ERG: variants seen among roughly 807,000 people sequenced by gnomAD.
ERG encodes transcriptional regulator ERG.
ERG carries 9 observed loss-of-function variants against 55.3 expected under a neutral mutation model. The ratio of observed to expected loss-of-function variants is 0.16; its 90% CI spans 0.10 to 0.28. The LOEUF (loss-of-function observed/expected upper bound fraction) is 0.28. ERG is among the 10% of genes least tolerant of loss of function. The pLI, the probability that ERG is intolerant of heterozygous loss-of-function variation, is 1.00. For missense variants in ERG, 434 were observed against 631.6 expected, an observed-to-expected ratio of 0.69 and a Z score of 3.35; for synonymous variants, 223 against 237.3, an observed-to-expected ratio of 0.94 and a Z score of 0.55.
intron 1 of ERG, among the ~76,000 whole-genome samples, chr21:38,487,269 C>T (rs760449629): frequency 1.3e-5 from 2 of 151,686 alleles, no homozygotes; most frequent in East Asian, 3.9e-4. Flanking sequence ...AAAAAAGAAT[C>T]GAGTATTCAA....
In ERG at chr21:38,380,566, CAGAG is replaced by C. The variant is rs373076901; in HGVS notation, c.*2833_*2836del. 2 of 1,065,772 alleles carry C rather than the reference CAGAG, an allele frequency of 1.9e-6. No individual in the cohort carries two copies. Among genetic ancestry groups the C allele is most frequent in the Middle Eastern group, 4.2e-4 (1 of 2,404 alleles). The allele number at this position is 1,065,772 out of a possible 1,614,324, so 66.0% of individuals were successfully genotyped here. ...GGGCAAGCCAAGAGACAGGGACAAACAGAGAGAAAAGGTTCATGCAATTATGAAT... is the reference window on the plus strand; with the variant it reads ...GGGCAAGCCAAGAGACAGGGACAAACAGAAAAGGTTCATGCAATTATGAAT... On this transcript the variant is annotated 3_prime_UTR_variant, in exon 10 of 10. Transcript: ENST00000288319.
At chr21:38,549,398 T>C (rs918355767) in intron 2 of ERG, among the ~76,000 whole-genome samples, 2 of 151,876 alleles carry the variant, frequency 1.3e-5, no homozygotes, top group African/African-American at 4.8e-5. Flanking sequence ...AACAGCTAGT[T>C]ATCTTACTTC....
At chr21:38,597,242 T>G (rs2060136555) in intron 1 of ERG, among the ~76,000 whole-genome samples, 1 of 152,214 alleles carries the variant, frequency 6.6e-6, no homozygotes, top group Admixed American at 6.5e-5. Flanking sequence ...TACACATATG[T>G]ACACAGTTAT....
chr21:38,435,181 A>G (rs1990392213), intron 2 of ERG, among the ~76,000 whole-genome samples: 1 of 152,196 alleles, frequency 6.6e-6, no homozygotes, highest in Non-Finnish European at 1.5e-5. Flanking sequence ...CTGAATACAA[A>G]TAAATCCCTT....
intron 1 of ERG, among the ~76,000 whole-genome samples, chr21:38,607,482 A>C (rs1297536870): frequency 6.6e-6 from 1 of 152,126 alleles, no homozygotes; most frequent in Non-Finnish European, 1.5e-5. Flanking sequence ...AATACAAAAA[A>C]TTAGCCGGGC....
chr21:38,607,180 C>A (rs753413236), intron 1 of ERG, among the ~76,000 whole-genome samples: 1 of 152,084 alleles, frequency 6.6e-6, no homozygotes, highest in Non-Finnish European at 1.5e-5. Flanking sequence ...TAAAATTCTA[C>A]GTCAGGCAAA....
At chr21:38,527,216 A>G (rs1176953707) in intron 2 of ERG, among the ~76,000 whole-genome samples, 1 of 152,200 alleles carries the variant, frequency 6.6e-6, no homozygotes, top group Non-Finnish European at 1.5e-5. Flanking sequence ...AGTGAGAAGA[A>G]GATTCGACAT....
chr21:38,523,229 C>A (rs1376623629), intron 2 of ERG, among the ~76,000 whole-genome samples: 1 of 152,164 alleles, frequency 6.6e-6, no homozygotes, highest in Non-Finnish European at 1.5e-5. Context: ...ATGTTTCTAT[C>A]CTGCCTGTGT....
At chr21:38,419,596 C>T (rs1438174966) in intron 3 of ERG, among the ~76,000 whole-genome samples, 1 of 152,214 alleles carries the variant, frequency 6.6e-6, no homozygotes, top group African/African-American at 2.4e-5. Context: ...CCATTCTCCA[C>T]ATTCCTTTAT....
chr21:38,533,714 T>C (rs2059688569), intron 2 of ERG, among the ~76,000 whole-genome samples: 1 of 152,168 alleles, frequency 6.6e-6, no homozygotes, highest in African/African-American at 2.4e-5. Context: ...AACCAACACT[T>C]AGGCTACACA....
intron 2 of ERG, 59 bp downstream of exon 2, chr21:38,445,345 C>T: frequency 2.8e-6 from 4 of 1,417,310 alleles, no homozygotes; most frequent in Non-Finnish European, 3.9e-6. Flanking sequence ...TCCACTTTGC[C>T]TTTGCAAAGG....
At chr21:38,523,323 A>G (rs1279847484) in intron 2 of ERG, among the ~76,000 whole-genome samples, 5 of 152,170 alleles carry the variant, frequency 3.3e-5, no homozygotes, top group African/African-American at 7.2e-5. Context: ...TAAGCCATCT[A>G]TTTTGTTATT....
rs947083658 is a variant in ERG, at chr21:38,382,938, T to A, written c.*465A>T. The stretch of plus-strand genomic sequence containing the variant: ...ACAGTCTCTCTCGTGTCTTTTCTCT[T>A]GTTTTTGATATGTTTCTATTTTTAA... On this transcript the variant is annotated 3_prime_UTR_variant, in exon 10 of 10. Coordinates refer to ENST00000288319, the MANE Select transcript of ERG (RefSeq NM_182918.4). 10 of 1,066,468 alleles carry A rather than the reference T, an allele frequency of 9.4e-6. No individual in the cohort carries two copies. The highest frequency in any genetic ancestry group is 1.1e-5 in the Non-Finnish European group (10 of 879,792). The allele number at this position is 1,066,468 out of a possible 1,614,324, so 66.1% of individuals were successfully genotyped here.
intron 1 of ERG, among the ~76,000 whole-genome samples, chr21:38,590,651 T>G (rs2060094952): frequency 1.3e-5 from 2 of 151,006 alleles, no homozygotes; most frequent in Non-Finnish European, 2.9e-5. Context: ...CATCCATCCA[T>G]CATCCATGTA....
At chr21:38,438,754 GAT>G (rs2058813993) in intron 2 of ERG, among the ~76,000 whole-genome samples, 1 of 152,236 alleles carries the variant, frequency 6.6e-6, no homozygotes, top group Admixed American at 6.5e-5. Context: ...GATCCTCCCA[GAT>G]CATTCGCTGG....
intron 2 of ERG, among the ~76,000 whole-genome samples, chr21:38,509,443 G>C (rs1474479426): frequency 1.3e-5 from 2 of 152,178 alleles, no homozygotes; most frequent in African/African-American, 4.8e-5. Context: ...AATTACAACA[G>C]TATTTTGACC....
chr21:38,567,066 G>A (rs991914522), intron 2 of ERG, among the ~76,000 whole-genome samples: 36 of 88,234 alleles, frequency 4.1e-4, no homozygotes, highest in Non-Finnish European at 8.1e-4. Context: ...ACGAGGAATC[G>A]CCAGACTGGG....
chr21:38,426,937 A>AG (rs1989856672), intron 2 of ERG, among the ~76,000 whole-genome samples: 1 of 151,646 alleles, frequency 6.6e-6, no homozygotes. Context: ...TGTCAAAAAA[A>AG]AAAAGAATTA....
At chr21:38,596,028 C>A (rs1189369787) in intron 1 of ERG, among the ~76,000 whole-genome samples, 3 of 142,056 alleles carry the variant, frequency 2.1e-5, no homozygotes, top group African/African-American at 8.2e-5. Flanking sequence ...AGGACCAGAT[C>A]CTCTCTATAT....
Sources: gnomAD v4.1 joint callset for allele counts (sites outside exome capture counted in the v4.1 genomes callset) on GRCh38, gnomAD v4.1.1 for gene constraint, MANE v1.5 for transcripts, NCBI Gene and HGNC (gene_info 2026-07-23, HGNC 2026-07-21) for gene names.